ASPHD1: variants seen among roughly 807,000 people sequenced by gnomAD.
The protein encoded by ASPHD1 is aspartate beta-hydroxylase domain containing 1.
Under a neutral mutation model 28.3 loss-of-function variants are expected in ASPHD1, and 20 were observed. The observed-to-expected ratio is 0.71, with a 90% CI of 0.50 to 1.03. The LOEUF (loss-of-function observed/expected upper bound fraction) is 1.03, where lower values mean the gene tolerates loss of function less well. Among genes scored for constraint, ASPHD1 ranks in the 50% least tolerant of loss-of-function variants. The probability of loss-of-function intolerance (pLI) is 0.00; values close to 1 mark genes in which losing one functional copy is unlikely to be tolerated. For missense variants in ASPHD1, 479 were observed against 524.1 expected (o/e 0.91, Z 0.84); for synonymous variants, 240 against 221.2 (o/e 1.08, Z -0.75).
At chr16:29,904,992 G>C in intron 2 of ASPHD1, 27 bp downstream of exon 2, 1 of 1,555,450 alleles carries the variant, frequency 6.4e-7, no homozygotes, top group Non-Finnish European at 8.8e-7. Flanking sequence ...TCTGCAGGGG[G>C]GATGAGGGAC....
chr16:29,906,579 A>G (rs919494697), downstream of ASPHD1: 2 of 566,454 alleles, frequency 3.5e-6, no homozygotes, highest in Non-Finnish European at 6.7e-6. Flanking sequence ...AAAAAAAGAG[A>G]AAGGGAATTC....
chr16:29,910,836 G>T (rs1210627993), downstream of ASPHD1: 4 of 675,738 alleles, frequency 5.9e-6, no homozygotes, highest in Admixed American at 8.7e-5. Context: ...AGGGTGGCTT[G>T]CCCACTGTTG....
chr16:29,901,269 T>G lies in ASPHD1; in HGVS notation c.298T>G (p.Ser100Ala), dbSNP rs1191870818. 1 of 1,612,954 alleles carries G rather than the reference T, an allele frequency of 6.2e-7. No individual in the cohort carries two copies. Among genetic ancestry groups the G allele is most frequent in the East Asian group, 2.2e-5 (1 of 44,860 alleles). ...LFLWYCYRLG[S>A]QDMQALGAGS... ...CCTCTGGTACTGCTACCGCCTGGGC[T>G]CCCAAGACATGCAGGCCCTAGGGGC... The change falls in exon 1 of 3, where the codon TCC becomes GCC. Residue 100 changes from serine to alanine, a missense_variant. Physicochemically the swap from Ser to Ala is moderately conservative, Grantham distance 99. Coordinates refer to ENST00000308748, the MANE Select transcript of ASPHD1 (RefSeq NM_181718.4). The surrounding 1 kb of genome is among the most constrained non-coding windows in gnomAD (Gnocchi z 5.1).
rs140881798 is a variant in ASPHD1 at position 29,905,927 on chromosome 16, T to G, written c.*30T>G. On this transcript the variant is annotated 3_prime_UTR_variant, in exon 3 of 3. Transcript: ENST00000308748. ...AGGTGCTCCCTTCACACACCCAGGC[T>G]GGAGAGACACTGCGCTCAGGGACGG... The G allele has an allele frequency of 3.1e-4, 472 of 1,530,090 alleles. 2 individuals carry two copies. The African/African-American group carries it at 6.2e-3, about 20-fold the overall frequency. 94.8% of individuals were successfully genotyped at this position (1,530,090 alleles called of 1,614,324 possible).
Position 29,906,002 on chromosome 16 carries a change from G to GGGGGGGGGGGT in ASPHD1, c.*105_*106insGGGGGGGGGGT. The GGGGGGGGGGGT allele has an allele frequency of 2.4e-6, 1 of 414,052 alleles. No homozygotes were observed. The allele number at this position is 414,052 out of a possible 1,614,324, so 25.6% of individuals were successfully genotyped here. A position where few individuals can be genotyped will look rare whatever the true frequency, so the allele number is the denominator to read the frequency against. On this transcript the variant is annotated 3_prime_UTR_variant, in exon 3 of 3. Transcript: ENST00000308748. ...TCTACTGCGGGGGTGGGCGGGGGCG[G>GGGGGGGGGGGT]AGGATGGGAACTGGCTAGTGAGCAC...
intron 1 of ASPHD1, among the ~76,000 whole-genome samples, chr16:29,902,185 T>C (rs1266978356): frequency 1.3e-5 from 2 of 152,210 alleles, no homozygotes; most frequent in East Asian, 1.9e-4. Flanking sequence ...TTAAAAGAAA[T>C]ATTTATAGCA....
Position 29,905,814 on chromosome 16 carries a change from G to A in ASPHD1, c.1090G>A (p.Val364Ile), listed in dbSNP as rs1199691475. 2 of 1,613,788 alleles carry A rather than the reference G, an allele frequency of 1.2e-6. No individual in the cohort carries two copies. Among genetic ancestry groups the A allele is most frequent in the African/African-American group, 1.3e-5 (1 of 74,864 alleles). The change falls in exon 3 of 3, where the codon GTC (valine) becomes ATC (isoleucine). Residue 364 changes from valine (V) to isoleucine (I), a missense_variant. Coordinates refer to ENST00000308748, the MANE Select transcript of ASPHD1 (RefSeq NM_181718.4). ...NGSPEDGPRV[V>I]FIVDLWHPNV... ...CTCCCCCGAAGATGGGCCTCGAGTG[G>A]TCTTCATCGTGGACCTCTGGCACCC...
At chr16:29,907,076 C>G, downstream of ASPHD1, 1 of 1,611,648 alleles carries the variant, frequency 6.2e-7, no homozygotes, top group Non-Finnish European at 8.5e-7. Flanking sequence ...TGTTCAGGGT[C>G]TCCTCGAAGA....
At chr16:29,905,714 G>C (rs567656404) in intron 2 of ASPHD1, 74 bp from the exon 3 acceptor site, 71 of 900,216 alleles carry the variant, frequency 7.9e-5, no homozygotes, top group Non-Finnish European at 1.2e-4. Context: ...TTGCTTTTAT[G>C]GTGTTTGGTG....
intron 3 of ASPHD1, chr16:29,911,877 G>A (rs773004761): frequency 5.0e-6 from 8 of 1,612,232 alleles, no homozygotes; most frequent in South Asian, 4.4e-5. Context: ...GCTGGCGGGG[G>A]AGAGAGGATG....
chr16:29,906,982 G>A (rs372459220), downstream of ASPHD1: 13 of 1,614,010 alleles, frequency 8.1e-6, no homozygotes, highest in South Asian at 1.1e-5. Flanking sequence ...TCCTCCCCGC[G>A]GCCAGCCCCA....
chr16:29,902,025 C>G lies in ASPHD1; in HGVS notation c.949+105C>G, dbSNP rs1422304716. The G allele has an allele frequency of 6.4e-6, 6 of 934,926 alleles. No individual in the cohort carries two copies. The African/African-American group carries it at 1.0e-4, about 16-fold the overall frequency. 57.9% of individuals were successfully genotyped at this position (934,926 alleles called of 1,614,324 possible). A position where few individuals can be genotyped will look rare whatever the true frequency, so the allele number is the denominator to read the frequency against. ...GCTGTCTGGTTCTCATTGTGCCTCTCTTCTTCCATGGCTCCCTGTTGCCAC... is the reference window on the plus strand; with the variant it reads ...GCTGTCTGGTTCTCATTGTGCCTCTGTTCTTCCATGGCTCCCTGTTGCCAC... On this transcript the variant is annotated intron_variant, in intron 1 of 2. Coordinates refer to ENST00000308748, the MANE Select transcript of ASPHD1 (RefSeq NM_181718.4).
At position 29,901,677 on chromosome 16, in the gene ASPHD1, C is replaced by T. The variant is rs2068551016; in HGVS notation, c.706C>T (p.Pro236Ser). The T allele has an allele frequency of 1.3e-6, 2 of 1,584,758 alleles. No individual in the cohort carries two copies. Among genetic ancestry groups the T allele is most frequent in the Non-Finnish European group, 1.7e-6 (2 of 1,170,418 alleles). Reference protein sequence around the residue: ...AVSWDFSGTTPPPRGWSPPLA... With the variant: ...AVSWDFSGTTSPPRGWSPPLA... The stretch of plus-strand genomic sequence containing the variant: ...GAGCTGGGACTTCTCAGGGACTACC[C>T]CTCCGCCTCGGGGCTGGTCCCCACC... Residue 236 changes from proline to serine, a missense_variant, in exon 1 of 3, where the codon CCT becomes TCT. Pro to Ser is a moderately conservative substitution (Grantham distance 74, BLOSUM62 -1). Transcript: ENST00000308748. This position sits in a 1 kb window ranked among gnomAD's most constrained non-coding sequence, Gnocchi z 5.1.
In ASPHD1 at chr16:29,901,414, G is replaced by C. The variant is rs753066450; in HGVS notation, c.443G>C (p.Arg148Pro). 1.9e-6 allele frequency: 3 copies of C among 1,590,780 alleles called. No individual in the cohort carries two copies. The Admixed American group carries it at 5.4e-5, about 28-fold the overall frequency. ...EGPRTEGLVSRRLRAYARRYS... is the reference protein window; with the variant it reads ...EGPRTEGLVSPRLRAYARRYS... ...CCTAGGACGGAAGGCCTAGTGAGCC[G>C]GCGGCTTCGGGCCTACGCAAGGCGC... The change falls in exon 1 of 3, where the codon CGG (arginine) becomes CCG (proline). Residue 148 changes from arginine (R) to proline (P), a missense_variant. By Grantham distance (103) the Arg-to-Pro change is moderately radical. Transcript: ENST00000308748. The surrounding 1 kb of genome is among the most constrained non-coding windows in gnomAD (Gnocchi z 5.1).
intron 1 of ASPHD1, among the ~76,000 whole-genome samples, chr16:29,903,304 C>T (rs566825350): frequency 2.0e-5 from 3 of 151,878 alleles, no homozygotes; most frequent in East Asian, 3.9e-4. Context: ...TGCAGTGAGC[C>T]GAGATCACAA....
chr16:29,906,908 C>T, downstream of ASPHD1: 1 of 1,614,140 alleles, frequency 6.2e-7, no homozygotes, highest in Non-Finnish European at 8.5e-7. Flanking sequence ...CATGAGGACG[C>T]TCGTCGTGGG....
At chr16:29,906,379 T>G (rs2068612840), downstream of ASPHD1, 3 of 207,108 alleles carry the variant, frequency 1.4e-5, no homozygotes, top group Middle Eastern at 2.0e-3. Flanking sequence ...AATAGAAAAT[T>G]AAAATAATAA....
chr16:29,919,526 T>C (rs1267644083), intron 3 of ASPHD1: 1 of 152,166 alleles, frequency 6.6e-6, no homozygotes, highest in Non-Finnish European at 1.5e-5. Flanking sequence ...ATTGTTAACT[T>C]GCAGATAACC....
At chr16:29,910,830 TG>T, downstream of ASPHD1, 1 of 650,360 alleles carries the variant, frequency 1.5e-6, no homozygotes, top group South Asian at 1.9e-5. Context: ...AGGGATAGGG[TG>T]GCTTGCCCAC....
Sources: gnomAD v4.1 joint callset for allele counts (sites outside exome capture counted in the v4.1 genomes callset) on GRCh38, gnomAD v4.1.1 for gene constraint, Gnocchi (gnomAD v3.1) non-coding constraint, MANE v1.5 for transcripts, NCBI Gene and HGNC (gene_info 2026-07-23, HGNC 2026-07-21) for gene names.